Variants in SLAMF9 observed in about 807,000 individuals in gnomAD.
SLAMF9 encodes the protein SLAM family member 9.
SLAMF9 carries 25 observed loss-of-function variants against 30.4 expected under a neutral mutation model. The observed-to-expected ratio is 0.82, with a 90% CI of 0.60 to 1.15. SLAMF9 has a LOEUF of 1.15. Ranked by LOEUF, SLAMF9 falls within the 50% of genes most tolerant of loss-of-function variation. SLAMF9 has a pLI of 0.00. For synonymous variants in SLAMF9, 129 were observed against 127.2 expected (o/e 1.01, Z -0.09); for missense variants, 344 against 346.1 (o/e 0.99, Z 0.05).
the SLAMF9 span, among the ~76,000 whole-genome samples, chr1:159,960,276 T>C: frequency 1.3e-5 from 2 of 150,786 alleles, no homozygotes; most frequent in Non-Finnish European, 3.0e-5. Flanking sequence ...TTTGGTTTTT[T>C]GTCCTTGCGA....
At chr1:159,978,534 C>T in the SLAMF9 span, 2 of 152,192 alleles carry the variant, frequency 1.3e-5, no homozygotes, top group Admixed American at 6.5e-5. Flanking sequence ...CATGCATAAA[C>T]TGTATCTTAT....
the SLAMF9 span, among the ~76,000 whole-genome samples, chr1:159,979,531 A>G: frequency 1.3e-5 from 2 of 152,250 alleles, no homozygotes; most frequent in African/African-American, 2.4e-5. Flanking sequence ...CTTTAAATCA[A>G]TCTGAGCTTC....
chr1:159,971,744 C>A, the SLAMF9 span, among the ~76,000 whole-genome samples: 2 of 152,092 alleles, frequency 1.3e-5, no homozygotes, highest in South Asian at 4.2e-4. Flanking sequence ...AGAAAGTGGG[C>A]GTCCTGGCAG....
the SLAMF9 span, among the ~76,000 whole-genome samples, chr1:159,963,049 G>A: frequency 8.5e-4 from 129 of 152,280 alleles, 1 homozygote; most frequent in Non-Finnish European, 1.5e-3. Flanking sequence ...GGGCAGTGTC[G>A]AAGAGCATGC....
chr1:159,977,405 C>T, the SLAMF9 span, among the ~76,000 whole-genome samples: 2 of 152,166 alleles, frequency 1.3e-5, no homozygotes, highest in Non-Finnish European at 2.9e-5. Flanking sequence ...GTAGTCTTTA[C>T]TTCAGGAGAA....
In SLAMF9 at chr1:159,952,475, T is replaced by C; in HGVS notation, c.451A>G (p.Ser151Gly). ...NFESSGEGAC[S>G]MSLVCSVEKA... is the part of the protein sequence containing the mutation. The stretch of plus-strand genomic sequence containing the variant: ...TCCACAGAGCACACCAGGGACATAC[T>C]GCAGGCACCTTCCCCAGAACTCTCA... Residue 151 changes from serine (S) to glycine (G), a missense_variant, in exon 3 of 4, where the codon AGT (serine) becomes GGT (glycine). Physicochemically the swap from Ser to Gly is moderately conservative, Grantham distance 56 (BLOSUM62 0). Transcript: ENST00000368093. The C allele has an allele frequency of 3.1e-6, 5 of 1,614,124 alleles. No individual in the cohort carries two copies. The highest frequency in any genetic ancestry group is 4.2e-6 in the Non-Finnish European group (5 of 1,180,014).
upstream of SLAMF9, among the ~76,000 whole-genome samples, chr1:159,954,547 G>GCCC (rs1651883460): frequency 6.6e-6 from 1 of 152,114 alleles, no homozygotes; most frequent in Non-Finnish European, 1.5e-5. Context: ...CTCTCTCTGG[G>GCCC]TAATTCCTAT....
At chr1:159,956,978 C>T (rs1651933797), upstream of SLAMF9, among the ~76,000 whole-genome samples, 1 of 151,688 alleles carries the variant, frequency 6.6e-6, no homozygotes, top group South Asian at 2.1e-4. Context: ...AAAGCTTAGC[C>T]GGGCGTGGTG....
chr1:159,961,136 G>A, the SLAMF9 span: 3 of 152,154 alleles, frequency 2.0e-5, no homozygotes, highest in African/African-American at 7.2e-5. Context: ...TAAAGTAGTT[G>A]CACCAGTAAT....
the SLAMF9 span, chr1:159,973,170 C>T: frequency 6.5e-7 from 1 of 1,530,660 alleles, no homozygotes; most frequent in Non-Finnish European, 9.0e-7. Flanking sequence ...GAAAAGGAGC[C>T]TCCAGGCTGA....
chr1:159,974,968 C>T, the SLAMF9 span, among the ~76,000 whole-genome samples: 10 of 152,116 alleles, frequency 6.6e-5, no homozygotes, highest in Non-Finnish European at 1.2e-4. Flanking sequence ...AGCATAGGCC[C>T]GGGTGTTCAA....
the SLAMF9 span, chr1:159,972,826 G>A: frequency 1.1e-6 from 1 of 911,550 alleles, no homozygotes; most frequent in African/African-American, 1.7e-5. Flanking sequence ...GTGAGCACAG[G>A]ATGGGACACA....
the SLAMF9 span, among the ~76,000 whole-genome samples, chr1:159,969,493 C>A: frequency 6.6e-6 from 1 of 152,174 alleles, no homozygotes; most frequent in African/African-American, 2.4e-5. Context: ...CCCATCTCAG[C>A]ACTTTGCTTA....
At chr1:159,958,291 A>C (rs1352810551), upstream of SLAMF9, among the ~76,000 whole-genome samples, 1 of 152,204 alleles carries the variant, frequency 6.6e-6, no homozygotes, top group African/African-American at 2.4e-5. Context: ...GATAGCCAGA[A>C]GGTAACTGTT....
chr1:159,976,867 AC>A, the SLAMF9 span: 1 of 149,942 alleles, frequency 6.7e-6, no homozygotes, highest in East Asian at 1.9e-4. Context: ...ACATATTGAG[AC>A]CCCCATCTCT....
chr1:159,967,881 G>A, the SLAMF9 span, among the ~76,000 whole-genome samples: 31 of 151,984 alleles, frequency 2.0e-4, no homozygotes, highest in African/African-American at 5.8e-4. Flanking sequence ...AAATGGGATC[G>A]TTCTTAATTT....
chr1:159,974,886 G>A, the SLAMF9 span, among the ~76,000 whole-genome samples: 2 of 152,188 alleles, frequency 1.3e-5, no homozygotes, highest in Non-Finnish European at 2.9e-5. Flanking sequence ...GAACACAGGT[G>A]TAATCAGCCT....
upstream of SLAMF9, among the ~76,000 whole-genome samples, chr1:159,955,398 C>T (rs1336528640): frequency 6.6e-6 from 1 of 152,178 alleles, no homozygotes; most frequent in Non-Finnish European, 1.5e-5. Flanking sequence ...ACTGGATAAT[C>T]TTTAAGTTTC....
the SLAMF9 span, chr1:159,972,863 G>A: frequency 2.1e-6 from 2 of 969,980 alleles, no homozygotes; most frequent in Non-Finnish European, 2.8e-6. Flanking sequence ...TGGGATGGGA[G>A]GCTCAGCCTG....
Sources: allele counts gnomAD v4.1 joint callset (sites outside exome capture counted in the v4.1 genomes callset), GRCh38; gene constraint gnomAD v4.1.1; transcripts MANE v1.5; gene names NCBI Gene and HGNC (gene_info 2026-07-23, HGNC 2026-07-21).